The following RBMS3 variants were observed in gnomAD, a reference collection of about 807,000 sequenced individuals.
RBMS3 encodes the protein RNA binding motif single stranded interacting protein 3.
RBMS3 carries 27 observed loss-of-function variants against 66.8 expected under a neutral mutation model. That is an observed-to-expected ratio of 0.40 (90% CI 0.30 to 0.56). The LOEUF is 0.56. Ranked by LOEUF, RBMS3 falls within the 20% of genes least tolerant of loss-of-function variation. The pLI, the probability that RBMS3 is intolerant of heterozygous loss-of-function variation, is 0.40. For missense variants in RBMS3, 513 were observed against 549.5 expected (o/e 0.93, Z 0.66); for synonymous variants, 188 against 183.0 (o/e 1.03, Z -0.22).
At chr3:29,386,137 T>C (rs1209700144) in intron 1 of RBMS3, among the ~76,000 whole-genome samples, 1 of 152,106 alleles carries the variant, frequency 6.6e-6, no homozygotes, top group Admixed American at 6.6e-5. Flanking sequence ...CCAATTGACT[T>C]TTGTTTTACC....
chr3:29,684,111 A>G (rs1255125332), intron 4 of RBMS3, among the ~76,000 whole-genome samples: 2 of 152,326 alleles, frequency 1.3e-5, no homozygotes, highest in African/African-American at 4.8e-5. Context: ...TCTTTTGACT[A>G]TTGCATTACA....
chr3:29,598,717 C>T (rs531213091), intron 4 of RBMS3, among the ~76,000 whole-genome samples: 1 of 151,872 alleles, frequency 6.6e-6, no homozygotes, highest in Admixed American at 6.6e-5. Flanking sequence ...CTTCTGTCTC[C>T]CCACCTCCGT....
chr3:29,791,562 A>C (rs2057015202), intron 6 of RBMS3, among the ~76,000 whole-genome samples: 1 of 152,186 alleles, frequency 6.6e-6, no homozygotes, highest in Non-Finnish European at 1.5e-5. Context: ...AACTCGGACC[A>C]GTCTATAAGG....
intron 4 of RBMS3, among the ~76,000 whole-genome samples, chr3:29,626,827 T>C (rs1016655767): frequency 1.3e-5 from 2 of 152,188 alleles, no homozygotes; most frequent in Non-Finnish European, 2.9e-5. Flanking sequence ...CATTACCAAC[T>C]AAATCACTGA....
intron 4 of RBMS3, among the ~76,000 whole-genome samples, chr3:29,675,022 A>G: frequency 6.6e-6 from 1 of 152,202 alleles, no homozygotes; most frequent in Non-Finnish European, 1.5e-5. Context: ...GGCTACAGTA[A>G]CAAAAACAGC....
At chr3:29,692,331 A>T (rs1376687355) in intron 4 of RBMS3, among the ~76,000 whole-genome samples, 2 of 152,028 alleles carry the variant, frequency 1.3e-5, no homozygotes, top group African/African-American at 4.8e-5. Context: ...GATCTTGCAT[A>T]TATAACCATT....
At chr3:29,517,722 T>C (rs1186172755) in intron 3 of RBMS3, among the ~76,000 whole-genome samples, 1 of 152,038 alleles carries the variant, frequency 6.6e-6, no homozygotes, top group Non-Finnish European at 1.5e-5. Flanking sequence ...GAATACTGGG[T>C]TTTTGTTAGC....
At chr3:29,614,297 C>G (rs1010346936) in intron 4 of RBMS3, 10 of 151,948 alleles carry the variant, frequency 6.6e-5, no homozygotes, top group African/African-American at 2.4e-4. Context: ...GAATGATGGT[C>G]GCAAAAGGCT....
chr3:29,595,630 G>C (rs1463452), intron 4 of RBMS3, among the ~76,000 whole-genome samples: 22,658 of 152,024 alleles, frequency 0.15, 1,941 homozygotes, highest in East Asian at 0.32. Context: ...TGTTGTCCAT[G>C]GGGTGTGCCT....
intron 4 of RBMS3, among the ~76,000 whole-genome samples, chr3:29,620,514 G>T (rs1221355058): frequency 6.6e-6 from 1 of 152,170 alleles, no homozygotes; most frequent in African/African-American, 2.4e-5. Flanking sequence ...TATGACATGG[G>T]TCACTGTTCT....
chr3:29,412,735 T>C (rs1384262847), intron 1 of RBMS3, among the ~76,000 whole-genome samples: 1 of 152,108 alleles, frequency 6.6e-6, no homozygotes, highest in African/African-American at 2.4e-5. Flanking sequence ...GGTAGAAATA[T>C]CTACTGAAGG....
intron 3 of RBMS3, among the ~76,000 whole-genome samples, chr3:29,515,847 G>C (rs1376287546): frequency 3.9e-5 from 6 of 152,178 alleles, no homozygotes; most frequent in Non-Finnish European, 8.8e-5. Flanking sequence ...TTGTTCAAAA[G>C]CTTTGTGCTT....
At chr3:29,354,573 G>A (rs973776419) in intron 1 of RBMS3, among the ~76,000 whole-genome samples, 11 of 150,856 alleles carry the variant, frequency 7.3e-5, no homozygotes, top group Admixed American at 3.3e-4. Flanking sequence ...GTGCACGTGC[G>A]CACACACACA....
intron 2 of RBMS3, among the ~76,000 whole-genome samples, chr3:29,469,788 G>T (rs184921107): frequency 6.6e-6 from 1 of 151,300 alleles, no homozygotes; most frequent in Non-Finnish European, 1.5e-5. Context: ...AAAAGTGGAA[G>T]AAATGAGGTT....
intron 1 of RBMS3, among the ~76,000 whole-genome samples, chr3:29,295,054 C>T (rs896785473): frequency 7.3e-5 from 11 of 151,456 alleles, no homozygotes; most frequent in African/African-American, 9.7e-5. Flanking sequence ...TGCAAGATAA[C>T]GTTAGATGAA....
At position 29,703,815 on chromosome 3, in the gene RBMS3, G is replaced by A. The variant is rs187223439; in HGVS notation, c.400-35905G>A. Among the ~76,000 whole-genome samples, 515 of 152,284 alleles carry A rather than the reference G, an allele frequency of 3.4e-3. 4 individuals are homozygous for A. The highest frequency in any genetic ancestry group is 0.012 in the African/African-American group (499 of 41,544). ...GTGTTACAAATGGGCCACACAGGTAGGAACTGGGCCGCACGGCTGGAGATG... is the reference window on the plus strand; with the variant it reads ...GTGTTACAAATGGGCCACACAGGTAAGAACTGGGCCGCACGGCTGGAGATG... On this transcript the variant is annotated intron_variant, in intron 4 of 14. Transcript: ENST00000383767.
At chr3:29,388,776 G>A (rs1161368732) in intron 1 of RBMS3, among the ~76,000 whole-genome samples, 1 of 152,164 alleles carries the variant, frequency 6.6e-6, no homozygotes, top group East Asian at 1.9e-4. Flanking sequence ...ATGTTAGCCA[G>A]GATGGTCTCA....
intron 6 of RBMS3, among the ~76,000 whole-genome samples, chr3:29,842,652 C>A (rs1165157884): frequency 6.6e-6 from 1 of 152,102 alleles, no homozygotes; most frequent in Non-Finnish European, 1.5e-5. Flanking sequence ...GAATATCTTG[C>A]CTTACTTAGG....
chr3:29,527,186 A>T (rs920966280), intron 3 of RBMS3, among the ~76,000 whole-genome samples: 4,226 of 67,618 alleles, frequency 0.062, 218 homozygotes, highest in Middle Eastern at 0.27. Flanking sequence ...TAGAGTAAAA[A>T]AAAAAAAAAA....
Sources: allele counts gnomAD v4.1 joint callset (sites outside exome capture counted in the v4.1 genomes callset), GRCh38; gene constraint gnomAD v4.1.1; transcripts MANE v1.5; gene names NCBI Gene and HGNC (gene_info 2026-07-23, HGNC 2026-07-21).